TFEC: variants seen among roughly 807,000 people sequenced by gnomAD.
TFEC encodes the protein transcription factor EC.
TFEC carries 31 observed loss-of-function variants against 41.6 expected under a neutral mutation model. The observed-to-expected ratio is 0.74, with a 90% confidence interval of 0.56 to 1.01. The LOEUF is 1.01. Ranked by LOEUF, TFEC falls within the 50% of genes least tolerant of loss-of-function variation. The probability of loss-of-function intolerance (pLI) is 0.00; values close to 1 mark genes in which losing one functional copy is unlikely to be tolerated. For synonymous variants in TFEC, 143 were observed against 140.6 expected (o/e 1.02, Z -0.12); for missense variants, 402 against 404.1 (o/e 0.99, Z 0.04).
chr7:115,975,189 A>T (rs1793325687), intron 2 of TFEC, among the ~76,000 whole-genome samples: 1 of 149,222 alleles, frequency 6.7e-6, no homozygotes, highest in Non-Finnish European at 1.5e-5. Flanking sequence ...GGAGATTTTT[A>T]AAGTTTATAT....
At chr7:116,005,161 G>A (rs1453241393) in intron 1 of TFEC, among the ~76,000 whole-genome samples, 1 of 152,166 alleles carries the variant, frequency 6.6e-6, no homozygotes, top group Non-Finnish European at 1.5e-5. Context: ...CATGAAAATG[G>A]ACTAATACAG....
chr7:116,025,185 G>T (rs1418760327), intron 1 of TFEC, among the ~76,000 whole-genome samples: 1 of 152,166 alleles, frequency 6.6e-6, no homozygotes, highest in African/African-American at 2.4e-5. Context: ...GCAAGGAGCT[G>T]CTTTTTCCTC....
At chr7:116,140,529 T>G (rs1196347363) in intron 1 of TFEC, among the ~76,000 whole-genome samples, 1 of 152,212 alleles carries the variant, frequency 6.6e-6, no homozygotes, top group African/African-American at 2.4e-5. Flanking sequence ...TTATATAATT[T>G]CAAAGTATTA....
At chr7:116,130,421 T>C (rs930278934) in intron 1 of TFEC, among the ~76,000 whole-genome samples, 7 of 152,180 alleles carry the variant, frequency 4.6e-5, no homozygotes, top group Non-Finnish European at 7.3e-5. Flanking sequence ...AATGGTAATA[T>C]AGTAACCTAC....
At chr7:116,124,297 G>T (rs1449353540) in intron 1 of TFEC, among the ~76,000 whole-genome samples, 1 of 152,070 alleles carries the variant, frequency 6.6e-6, no homozygotes, top group East Asian at 1.9e-4. Context: ...AAAAGAAATT[G>T]TTATTAAACA....
chr7:115,973,295 G>A lies in TFEC; in HGVS notation c.267+875C>T, dbSNP rs564262544. ...GGATGCTTCCACCATTTTTTTTCTAGGCCCTAAATTGAAAACATCCATCAT... is the reference window on the plus strand; with the variant it reads ...GGATGCTTCCACCATTTTTTTTCTAAGCCCTAAATTGAAAACATCCATCAT... On this transcript the variant is annotated intron_variant, in intron 3 of 7. Transcript: ENST00000265440. Among the ~76,000 whole-genome samples the A allele has an allele frequency of 4.6e-5, 7 of 151,756 alleles. No homozygotes were observed. In the South Asian group the frequency reaches 1.5e-3, roughly 32 times the overall value.
chr7:116,003,773 T>G (rs1213352392), intron 1 of TFEC, among the ~76,000 whole-genome samples: 1 of 152,038 alleles, frequency 6.6e-6, no homozygotes, highest in African/African-American at 2.4e-5. Context: ...TTTTAAAAAA[T>G]CATACAATAT....
rs1008868300 is a variant in TFEC at position 116,084,140 on chromosome 7, A to C, written c.198+26568T>G. ...TTGGTAGGGATTCTCCTACTCTGAC[A>C]CTTTCCCCAACTGTGCCCAGCCACC... is the stretch of plus-strand genomic sequence containing the variant. On this transcript the variant is annotated intron_variant, in intron 3 of 8. Transcript: ENST00000484212. Among the ~76,000 whole-genome samples the C allele has an allele frequency of 3.3e-5, 5 of 151,860 alleles. No individual in the cohort carries two copies. The East Asian group carries it at 9.6e-4, about 29-fold the overall frequency.
At chr7:116,032,901 T>G (rs560337426), upstream of TFEC, among the ~76,000 whole-genome samples, 3 of 152,258 alleles carry the variant, frequency 2.0e-5, no homozygotes, top group South Asian at 6.2e-4. Flanking sequence ...ATTTCAAAAA[T>G]AGTTTATAAA....
intron 3 of TFEC, among the ~76,000 whole-genome samples, chr7:116,073,373 A>G (rs1337846052): frequency 1.3e-5 from 2 of 151,914 alleles, no homozygotes; most frequent in African/African-American, 2.4e-5. Flanking sequence ...ATATGAACAT[A>G]TAACTCTGTT....
chr7:116,012,063 C>T (rs781068235), intron 1 of TFEC, among the ~76,000 whole-genome samples: 42 of 152,170 alleles, frequency 2.8e-4, no homozygotes, highest in Non-Finnish European at 4.6e-4. Context: ...TGGACTCACA[C>T]ATAACTGTAT....
intron 6 of TFEC, 98 bp from the exon 7 acceptor site, chr7:115,942,138 C>T (rs1424808564): frequency 9.4e-6 from 12 of 1,278,664 alleles, no homozygotes; most frequent in Non-Finnish European, 1.3e-5. Context: ...TAATGATTTA[C>T]ATGACTATTA....
intron 1 of TFEC, among the ~76,000 whole-genome samples, chr7:116,011,442 C>A (rs896768065): frequency 1.3e-5 from 2 of 151,868 alleles, no homozygotes; most frequent in African/African-American, 4.8e-5. Context: ...ATTGTTTATT[C>A]TTTTTATAAA....
At chr7:116,095,991 G>C (rs1001790000) in intron 3 of TFEC, among the ~76,000 whole-genome samples, 1 of 152,078 alleles carries the variant, frequency 6.6e-6, no homozygotes, top group African/African-American at 2.4e-5. Context: ...CTCTTCTAAA[G>C]TCTAATCCAA....
chr7:116,050,018 G>C (rs1010813464), intron 3 of TFEC, among the ~76,000 whole-genome samples: 2 of 152,130 alleles, frequency 1.3e-5, no homozygotes, highest in Admixed American at 1.3e-4. Context: ...ATGCCCACAA[G>C]AGAAAGCAGG....
intron 3 of TFEC, among the ~76,000 whole-genome samples, chr7:116,059,964 A>C (rs1796514783): frequency 6.6e-6 from 1 of 152,118 alleles, no homozygotes; most frequent in East Asian, 1.9e-4. Flanking sequence ...TTATGAGTTC[A>C]ATAAGGCAGA....
chr7:116,085,366 C>T (rs1027223488), intron 3 of TFEC, among the ~76,000 whole-genome samples: 3 of 151,800 alleles, frequency 2.0e-5, no homozygotes, highest in Non-Finnish European at 2.9e-5. Flanking sequence ...AGAAGTGAAG[C>T]GGGGATCAGC....
At chr7:116,117,701 T>C (rs1798022184) in intron 1 of TFEC, among the ~76,000 whole-genome samples, 1 of 151,872 alleles carries the variant, frequency 6.6e-6, no homozygotes, top group South Asian at 2.1e-4. Context: ...AAATCTGTAT[T>C]TTGATCTCTT....
chr7:116,061,541 T>C (rs1461633671), intron 3 of TFEC, among the ~76,000 whole-genome samples: 1 of 152,028 alleles, frequency 6.6e-6, no homozygotes, highest in Non-Finnish European at 1.5e-5. Context: ...TGAATTTGGG[T>C]AAAGGCAAAG....
Sources: allele counts gnomAD v4.1 joint callset (sites outside exome capture counted in the v4.1 genomes callset), GRCh38; gene constraint gnomAD v4.1.1; transcripts MANE v1.5; gene names NCBI Gene and HGNC (gene_info 2026-07-23, HGNC 2026-07-21).